FGF12: variants seen among roughly 807,000 people sequenced by gnomAD.
FGF12 encodes fibroblast growth factor 12B.
A neutral mutation model predicts 23.6 loss-of-function variants in FGF12; 14 were observed. That is an observed-to-expected ratio of 0.59 (90% CI 0.39 to 0.93). FGF12 has a LOEUF of 0.93. Ranked by LOEUF, FGF12 falls within the 40% of genes least tolerant of loss-of-function variation. FGF12 has a pLI of 0.00. For synonymous variants in FGF12, 62 were observed against 77.3 expected (o/e 0.80, Z 1.04); for missense variants, 175 against 217.8 (o/e 0.80, Z 1.24).
At chr3:192,159,652 A>AAAAGT (rs750300964) in intron 5 of FGF12, among the ~76,000 whole-genome samples, 4 of 152,208 alleles carry the variant, frequency 2.6e-5, no homozygotes, top group Non-Finnish European at 4.4e-5. Flanking sequence ...TCCCCATTTG[A>AAAAGT]AAAGTAGTCA....
In FGF12 at chr3:192,170,671, A is replaced by G; in HGVS notation, c.229-15T>C. ...GTGAAAACATCCTGTAGGAAAAAAA[A>G]AAAAAGACACAAAAAAGAGAAATGA... is the stretch of plus-strand genomic sequence containing the variant. On this transcript the variant is annotated splice_polypyrimidine_tract_variant and intron_variant, in intron 4 of 5. Coordinates refer to ENST00000445105, the MANE Select transcript of FGF12 (RefSeq NM_004113.6). 1 of 1,577,924 alleles carries G rather than the reference A, an allele frequency of 6.3e-7. No individual in the cohort carries two copies. The highest frequency in any genetic ancestry group is 2.2e-5 in the East Asian group (1 of 44,742).
At chr3:192,551,830 A>C (rs1389068772) in intron 2 of FGF12, among the ~76,000 whole-genome samples, 1 of 152,202 alleles carries the variant, frequency 6.6e-6, no homozygotes, top group African/African-American at 2.4e-5. Flanking sequence ...ATATTACTAG[A>C]CATGCAAAGA....
chr3:192,408,828 ACT>A lies in FGF12; in HGVS notation c.14-48292_14-48291del. The A allele has an allele frequency of 2.0e-6, 2 of 985,386 alleles. No homozygotes were observed. The highest frequency in any genetic ancestry group is 2.4e-6 in the Non-Finnish European group (2 of 830,062). The allele number at this position is 985,386 out of a possible 1,614,324, so 61.0% of individuals were successfully genotyped here. A position where few individuals can be genotyped will look rare whatever the true frequency, so the allele number is the denominator to read the frequency against. The stretch of plus-strand genomic sequence containing the variant: ...AGAAGGAGAGGAAGGCAGCAATTTA[ACT>A]CCCTGCGGCCCGCGGTTCTGAAGAT... On this transcript the variant is annotated intron_variant, in intron 2 of 5. Transcript: ENST00000445105. The surrounding 1 kb of genome is among the most constrained non-coding windows in gnomAD (Gnocchi z 7.3).
chr3:192,641,101 CTTT>C (rs1164796476), intron 2 of FGF12, among the ~76,000 whole-genome samples: 6 of 56,682 alleles, frequency 1.1e-4, no homozygotes, highest in East Asian at 5.5e-4. Context: ...TGGCCTTTCA[CTTT>C]TTTTTTTTTT....
chr3:192,327,211 C>T (rs2108687777), intron 4 of FGF12, among the ~76,000 whole-genome samples: 1 of 152,260 alleles, frequency 6.6e-6, no homozygotes, highest in East Asian at 1.9e-4. Flanking sequence ...AAAAGTCCTT[C>T]AGAAACAACA....
chr3:192,633,061 G>A (rs949821574), intron 2 of FGF12, among the ~76,000 whole-genome samples: 3 of 152,014 alleles, frequency 2.0e-5, no homozygotes, highest in African/African-American at 4.8e-5. Context: ...GTGTTTGTTT[G>A]TTGAGGCAGA....
At chr3:192,472,314 C>G (rs768797069) in intron 2 of FGF12, among the ~76,000 whole-genome samples, 6 of 152,162 alleles carry the variant, frequency 3.9e-5, no homozygotes, top group Middle Eastern at 3.2e-3. Context: ...CCGCACCCAG[C>G]CTAATATTTT....
At chr3:192,615,849 C>A (rs926152593) in intron 2 of FGF12, among the ~76,000 whole-genome samples, 5 of 151,972 alleles carry the variant, frequency 3.3e-5, no homozygotes, top group Admixed American at 6.6e-5. Context: ...CAGAATATGA[C>A]ATTGCATAGA....
At chr3:192,367,979 T>C (rs1719058233) in intron 2 of FGF12, among the ~76,000 whole-genome samples, 1 of 152,238 alleles carries the variant, frequency 6.6e-6, no homozygotes, top group African/African-American at 2.4e-5. Context: ...CAATAGATAC[T>C]AATGGCACGT....
intron 2 of FGF12, among the ~76,000 whole-genome samples, chr3:192,405,075 G>C (rs1182890379): frequency 6.9e-6 from 1 of 145,598 alleles, no homozygotes; most frequent in African/African-American, 2.8e-5. Context: ...ACAAAACCTA[G>C]TTGTGTAACC....
At position 192,336,383 on chromosome 3, in the gene FGF12, G is replaced by A. The variant is rs992436829; in HGVS notation, c.125-919C>T. On this transcript the variant is annotated intron_variant, in intron 3 of 5. Coordinates refer to ENST00000445105, the MANE Select transcript of FGF12 (RefSeq NM_004113.6). The surrounding 1 kb of genome is among the most constrained non-coding windows in gnomAD (Gnocchi z 4.3). ...AGATCAGAAAAAAAGATACCTAAGA[G>A]AACCTTCTATTTTTCTTCCAACAAT... 2.0e-5 allele frequency among the ~76,000 whole-genome samples: 3 copies of A among 151,958 alleles called. No individual in the cohort carries two copies. The highest frequency in any genetic ancestry group is 1.9e-4 in the East Asian group (1 of 5,186).
chr3:192,524,860 C>T (rs183872741), intron 2 of FGF12, among the ~76,000 whole-genome samples: 64 of 152,242 alleles, frequency 4.2e-4, no homozygotes, highest in African/African-American at 1.4e-3. Context: ...CCGAGTGCTG[C>T]CTCCTGCTTG....
chr3:192,725,889 G>A (rs7623677), intron 2 of FGF12, among the ~76,000 whole-genome samples: 8,843 of 152,202 alleles, frequency 0.058, 481 homozygotes, highest in East Asian at 0.19. Context: ...TATACTTATA[G>A]ACATGGATTC....
intron 4 of FGF12, among the ~76,000 whole-genome samples, chr3:192,328,051 T>C (rs75972606): frequency 0.025 from 3,769 of 152,338 alleles, 86 homozygotes; most frequent in Non-Finnish European, 0.033. Context: ...TTTTCTTTCA[T>C]TATTTTCTTC....
Position 192,561,287 on chromosome 3 carries a change from C to T in FGF12, c.13+165894G>A, listed in dbSNP as rs147675764. 1.3e-4 allele frequency among the ~76,000 whole-genome samples: 20 copies of T among 152,052 alleles called. No homozygotes were observed. The East Asian group carries it at 3.7e-3, about 28-fold the overall frequency. ...GTCAGAACAGAGGACATACAAATGA[C>T]CAATAAGTACATGAAAAGTTATCAA... is the stretch of plus-strand genomic sequence containing the variant. On this transcript the variant is annotated intron_variant, in intron 2 of 5. Coordinates refer to ENST00000445105, the MANE Select transcript of FGF12 (RefSeq NM_004113.6).
chr3:192,354,314 A>G (rs1209230431), intron 3 of FGF12, among the ~76,000 whole-genome samples: 1 of 152,204 alleles, frequency 6.6e-6, no homozygotes, highest in Non-Finnish European at 1.5e-5. Flanking sequence ...AATATCAAAT[A>G]TAAGAAAAGA....
At chr3:192,691,721 A>G (rs1184644330) in intron 2 of FGF12, among the ~76,000 whole-genome samples, 2 of 152,050 alleles carry the variant, frequency 1.3e-5, no homozygotes, top group East Asian at 3.9e-4. Flanking sequence ...AACTAGAACT[A>G]TTTAAAAATC....
At chr3:192,157,195 T>C (rs923652515) in intron 5 of FGF12, among the ~76,000 whole-genome samples, 10 of 152,204 alleles carry the variant, frequency 6.6e-5, no homozygotes, top group African/African-American at 2.4e-4. Context: ...AGACAGTAGT[T>C]ACCAGGTGAC....
chr3:192,193,399 T>C (rs1218366562), intron 4 of FGF12, among the ~76,000 whole-genome samples: 1 of 152,176 alleles, frequency 6.6e-6, no homozygotes, highest in Non-Finnish European at 1.5e-5. Flanking sequence ...CTGCACAGAA[T>C]ACTCAGAAGG....
Sources: gnomAD v4.1 joint callset for allele counts (sites outside exome capture counted in the v4.1 genomes callset) on GRCh38, gnomAD v4.1.1 for gene constraint, Gnocchi (gnomAD v3.1) non-coding constraint, MANE v1.5 for transcripts, NCBI Gene and HGNC (gene_info 2026-07-23, HGNC 2026-07-21) for gene names.